The following TEX11 variants were observed in gnomAD, a reference collection of about 807,000 sequenced individuals.
The protein encoded by TEX11 is testis-expressed protein 11.
TEX11 carries 7 observed loss-of-function variants against 84.4 expected under a neutral mutation model. The observed-to-expected ratio is 0.08, with a 90% CI of 0.05 to 0.16. The LOEUF is 0.16. Among genes scored for constraint, TEX11 ranks in the 10% least tolerant of loss-of-function variants. TEX11 has a pLI of 1.00. For synonymous variants in TEX11, 264 were observed against 222.8 expected (o/e 1.18, Z -1.64); for missense variants, 551 against 660.5 (o/e 0.83, Z 1.82).
chrX:70,856,871 GA>G (rs750706120), intron 5 of TEX11, among the ~76,000 whole-genome samples: 14 of 109,681 alleles, frequency 1.3e-4, no homozygotes, highest in Non-Finnish European at 2.5e-4. Flanking sequence ...AAAAAGAGAA[GA>G]AAACATGTAG....
intron 17 of TEX11, among the ~76,000 whole-genome samples, chrX:70,646,406 C>G (rs1382294849): frequency 8.9e-6 from 1 of 112,074 alleles, no homozygotes; most frequent in Admixed American, 9.5e-5. Context: ...AGCTTCCACA[C>G]AGCAAAAGAA....
In TEX11 at chrX:70,740,701, C is replaced by A; in HGVS notation, c.843G>T (p.Lys281Asn). 8.5e-7 allele frequency: 1 copy of A among 1,172,620 alleles called. No individual in the cohort carries two copies. Among genetic ancestry groups the A allele is most frequent in the Non-Finnish European group, 1.1e-6 (1 of 870,902 alleles). ...GTATTCAAAAATACAAGCCCCATAC[C>A]TTGTTTGCTAGGTTTACAGCATTGA... ...KALNAVNLANKEHLSSPGLFL... is the reference protein window; with the variant it reads ...KALNAVNLANNEHLSSPGLFL... Residue 281 changes from lysine to asparagine, a missense_variant and splice_region_variant, in exon 11 of 30, where the codon AAG becomes AAT. Physicochemically the swap from Lys to Asn is moderately conservative, Grantham distance 94. Transcript: ENST00000374333.
At position 70,875,584 on chromosome X, in the gene TEX11, C is replaced by CAA. The variant is rs34342977; in HGVS notation, c.160-2279_160-2278dup. Among the ~76,000 whole-genome samples, 35 of 60,069 alleles carry CAA rather than the reference C, an allele frequency of 5.8e-4. 1 individual carries two copies. Among genetic ancestry groups the CAA allele is most frequent in the East Asian group, 4.1e-3 (9 of 2,207 alleles). 52.2% of individuals were successfully genotyped at this position (60,069 alleles called of 115,157 possible). The stretch of plus-strand genomic sequence containing the variant: ...TGAAACCCCGTCTCTACTAAAAATA[C>CAA]AAAAAAAAAAAAAAAAATAGCCAGG... On this transcript the variant is annotated intron_variant, in intron 3 of 29. Coordinates refer to ENST00000374333, the MANE Select transcript of TEX11 (RefSeq NM_031276.3).
rs143787174 is a variant in TEX11, at chrX:70,677,357, A to G, written c.1242+1447T>C. 6.9e-3 allele frequency among the ~76,000 whole-genome samples: 766 copies of G among 111,359 alleles called. 3 individuals carry two copies. Among genetic ancestry groups the G allele is most frequent in the African/African-American group, 0.024 (734 of 30,622 alleles). On this transcript the variant is annotated intron_variant, in intron 15 of 29. Transcript: ENST00000374333. ...GCCCCATGAATTAGAGGTTTTCCAG[A>G]CTGGGTGATAAGAACAGGCCTTATT...
chrX:70,832,862 C>A (rs758342318), intron 8 of TEX11, among the ~76,000 whole-genome samples: 1 of 111,629 alleles, frequency 9.0e-6, no homozygotes, highest in East Asian at 2.8e-4. Flanking sequence ...TGCTATCAAC[C>A]TTGTCAGCAG....
intron 11 of TEX11, among the ~76,000 whole-genome samples, chrX:70,736,986 G>A (rs2090700993): frequency 9.0e-6 from 1 of 111,594 alleles, no homozygotes; most frequent in African/African-American, 3.2e-5. Context: ...AAAATAGTTG[G>A]CACCCAGTGA....
At chrX:70,597,956 G>A (rs1295686830) in intron 24 of TEX11, among the ~76,000 whole-genome samples, 3 of 111,634 alleles carry the variant, frequency 2.7e-5, no homozygotes, top group Non-Finnish European at 5.7e-5. Flanking sequence ...CCGAGGTGGG[G>A]GGATCAGTTG....
intron 25 of TEX11, among the ~76,000 whole-genome samples, chrX:70,579,917 C>A: frequency 8.9e-6 from 1 of 112,138 alleles, no homozygotes; most frequent in Middle Eastern, 4.6e-3. Flanking sequence ...ATTAGTACAA[C>A]CACTGTGGAG....
chrX:70,758,781 A>G (rs990729227), intron 9 of TEX11, among the ~76,000 whole-genome samples: 3 of 112,177 alleles, frequency 2.7e-5, no homozygotes, highest in African/African-American at 9.7e-5. Context: ...AGCAGAACTG[A>G]AGGAAACAGA....
chrX:70,572,521 A>C lies in TEX11; in HGVS notation c.2141-17721T>G, dbSNP rs145274141. ...ACTGAGTATATACCCAAAAGATTTT[A>C]AATCATGCTGCTATAAAGACACATG... On this transcript the variant is annotated intron_variant, in intron 25 of 29. Transcript: ENST00000374333. 2.8e-3 allele frequency among the ~76,000 whole-genome samples: 313 copies of C among 111,198 alleles called. 1 individual carries two copies. Among genetic ancestry groups the C allele is most frequent in the African/African-American group, 9.7e-3 (297 of 30,637 alleles).
At chrX:70,629,822 G>A in intron 17 of TEX11, 87 bp from the exon 18 acceptor site, 1 of 708,158 alleles carries the variant, frequency 1.4e-6, no homozygotes, top group Non-Finnish European at 2.0e-6. Flanking sequence ...AATGAATTTG[G>A]AACTTATTTT....
intron 13 of TEX11, among the ~76,000 whole-genome samples, chrX:70,717,527 C>T (rs2090517367): frequency 9.0e-6 from 1 of 111,398 alleles, no homozygotes; most frequent in African/African-American, 3.3e-5. Flanking sequence ...CCATGTTGAC[C>T]AGGCTGGTCT....
In TEX11 at chrX:70,634,192, T is replaced by C. The variant is rs761490318; in HGVS notation, c.1484-4457A>G. On this transcript the variant is annotated intron_variant, in intron 17 of 29. Transcript: ENST00000374333. Reference sequence around the variant, plus strand: ...TGCAGAAGACAGGTACAATGAAAAGTAGAAAACATTGCTGAGAGAAATTAA... The same window carrying C: ...TGCAGAAGACAGGTACAATGAAAAGCAGAAAACATTGCTGAGAGAAATTAA... Among the ~76,000 whole-genome samples the C allele has an allele frequency of 9.0e-5, 10 of 111,563 alleles. 1 individual carries two copies. Among genetic ancestry groups the C allele is most frequent in the Non-Finnish European group, 1.3e-4 (7 of 53,104 alleles).
chrX:70,526,664 T>C (rs73216752), downstream of TEX11, among the ~76,000 whole-genome samples: 7,512 of 111,405 alleles, frequency 0.067, 216 homozygotes, highest in East Asian at 0.12. Context: ...CATCTATACG[T>C]ATGTACACAT....
intron 10 of TEX11, among the ~76,000 whole-genome samples, chrX:70,741,411 G>GT (rs985103184): frequency 3.6e-5 from 4 of 111,385 alleles, no homozygotes; most frequent in East Asian, 2.8e-4. Context: ...TCAGAATGGT[G>GT]TTTTTTTGTT....
At chrX:70,673,006 G>T in intron 15 of TEX11, 1 of 126,613 alleles carries the variant, frequency 7.9e-6, no homozygotes, top group Admixed American at 7.4e-5. Context: ...TGTGAATGGT[G>T]CAACTCATGC....
chrX:70,659,957 C>T (rs111590451), intron 16 of TEX11, among the ~76,000 whole-genome samples: 8,759 of 111,661 alleles, frequency 0.078, 425 homozygotes, highest in Admixed American at 0.25. Flanking sequence ...GATGGTATAG[C>T]CTACTATACA....
At chrX:70,785,440 A>G (rs1347817375) in intron 9 of TEX11, among the ~76,000 whole-genome samples, 1 of 112,120 alleles carries the variant, frequency 8.9e-6, no homozygotes, top group Non-Finnish European at 1.9e-5. Context: ...ACCAAAAGCT[A>G]TGGCAACAAA....
At chrX:70,525,726 G>A (rs1287972437), downstream of TEX11, among the ~76,000 whole-genome samples, 1 of 112,215 alleles carries the variant, frequency 8.9e-6, no homozygotes, top group Non-Finnish European at 1.9e-5. Context: ...ACAAACAAAT[G>A]TATTTATTTT....
Sources: gnomAD v4.1 joint callset for allele counts (sites outside exome capture counted in the v4.1 genomes callset) on GRCh38, gnomAD v4.1.1 for gene constraint, MANE v1.5 for transcripts, NCBI Gene and HGNC (gene_info 2026-07-23, HGNC 2026-07-21) for gene names.